E2F3: variants seen among roughly 807,000 people sequenced by gnomAD.
The protein encoded by E2F3 is transcription factor E2F3.
In E2F3, 11 loss-of-function variants were observed where a neutral mutation model predicts 44.4. The observed-to-expected ratio is 0.25, with a 90% CI of 0.16 to 0.41. The LOEUF is 0.41. E2F3 is among the 10% of genes least tolerant of loss of function. The pLI is 1.00. For synonymous variants in E2F3, 249 were observed against 253.0 expected (o/e 0.98, Z 0.15); for missense variants, 487 against 583.6 (o/e 0.83, Z 1.70).
intron 1 of E2F3, among the ~76,000 whole-genome samples, chr6:20,475,107 T>C (rs909668726): frequency 2.0e-5 from 3 of 152,274 alleles, no homozygotes. Context: ...TAGTGATTGA[T>C]TTCCTTAGAG....
chr6:20,425,815 C>G (rs1760198017), intron 1 of E2F3, among the ~76,000 whole-genome samples: 1 of 152,222 alleles, frequency 6.6e-6, no homozygotes, highest in Non-Finnish European at 1.5e-5. Context: ...CTGGGACATT[C>G]ATGTGTCTAA....
intron 5 of E2F3, among the ~76,000 whole-genome samples, chr6:20,487,367 A>G (rs1395353863): frequency 2.0e-5 from 3 of 152,236 alleles, no homozygotes; most frequent in Non-Finnish European, 2.9e-5. Context: ...AAAGAGAATG[A>G]AAGTTACACG....
chr6:20,402,615 G>A lies in E2F3; in HGVS notation c.383G>A (p.Gly128Asp), dbSNP rs1386940354. The stretch of plus-strand genomic sequence containing the variant: ...GGACGCGGCGGCAGCGGCGGCGGCG[G>A]CGGCCCTCCGGTAATACCCTCCCTC... ...ALGRGGSGGG[G>D]GPPAKRRLEL... The change falls in exon 1 of 7, where the codon GGC becomes GAC. Residue 128 changes from glycine (G) to aspartate (D), a missense_variant. Physicochemically the swap from Gly to Asp is moderately conservative, Grantham distance 94. Transcript: ENST00000346618. This position sits in a 1 kb window ranked among gnomAD's most constrained non-coding sequence, Gnocchi z 5.6. The A allele has an allele frequency of 8.2e-6, 11 of 1,339,626 alleles. No individual in the cohort carries two copies. The highest frequency in any genetic ancestry group is 1.5e-5 in the African/African-American group (1 of 65,038). The allele number at this position is 1,339,626 out of a possible 1,614,324, so 83.0% of individuals were successfully genotyped here. A position where few individuals can be genotyped will look rare whatever the true frequency, so the allele number is the denominator to read the frequency against.
In E2F3 at chr6:20,482,739, A is replaced by G. The variant is rs775767752; in HGVS notation, c.726-23A>G. ...CCCTCCCTCCCATGAGTAGCCATGA[A>G]GAGTCTGTGTTTGGGTTTCTAGGGG... On this transcript the variant is annotated intron_variant, in intron 3 of 6. Coordinates refer to ENST00000346618, the MANE Select transcript of E2F3 (RefSeq NM_001949.5). 10 of 1,572,650 alleles carry G rather than the reference A, an allele frequency of 6.4e-6. No individual in the cohort carries two copies. The South Asian group carries it at 1.2e-4, about 19-fold the overall frequency.
At chr6:20,460,125 A>G (rs1761450113) in intron 1 of E2F3, among the ~76,000 whole-genome samples, 1 of 152,198 alleles carries the variant, frequency 6.6e-6, no homozygotes, top group Non-Finnish European at 1.5e-5. Flanking sequence ...CTTGTCTCCC[A>G]GAAGCCCAGC....
chr6:20,488,009 GA>G, intron 5 of E2F3, 103 bp from the exon 6 acceptor site: 1 of 1,531,686 alleles, frequency 6.5e-7, no homozygotes, highest in Non-Finnish European at 8.9e-7. Context: ...AAAAGCAAGT[GA>G]AAAACGAACA....
chr6:20,416,392 A>G (rs988753800), intron 1 of E2F3, among the ~76,000 whole-genome samples: 4 of 152,238 alleles, frequency 2.6e-5, no homozygotes, highest in Non-Finnish European at 5.9e-5. Context: ...CCAGGAATAC[A>G]GCAGTGTCAG....
Position 20,469,144 on chromosome 6 carries a change from C to T in E2F3, c.394-10702C>T, listed in dbSNP as rs9460506. ...GGAAACTCCAAAGAAAACAAACAAG[C>T]TTTACAAGAAAGGATATATAGTCTC... On this transcript the variant is annotated intron_variant, in intron 1 of 6. Transcript: ENST00000346618. Among the ~76,000 whole-genome samples the T allele has an allele frequency of 4.3e-3, 660 of 152,232 alleles. 4 individuals are homozygous for T. Among genetic ancestry groups the T allele is most frequent in the African/African-American group, 0.015 (609 of 41,544 alleles).
intron 1 of E2F3, among the ~76,000 whole-genome samples, chr6:20,477,462 G>A (rs1262433513): frequency 6.6e-6 from 1 of 152,154 alleles, no homozygotes; most frequent in African/African-American, 2.4e-5. Flanking sequence ...AGAGGTGAGG[G>A]TGTGTGAAAT....
At chr6:20,408,537 A>C (rs1759565708) in intron 1 of E2F3, among the ~76,000 whole-genome samples, 1 of 152,220 alleles carries the variant, frequency 6.6e-6, no homozygotes, top group Non-Finnish European at 1.5e-5. Flanking sequence ...CTTTTAAAAA[A>C]TATAATTTTT....
intron 1 of E2F3, among the ~76,000 whole-genome samples, chr6:20,462,149 A>G (rs1191785521): frequency 6.6e-6 from 1 of 152,202 alleles, no homozygotes; most frequent in African/African-American, 2.4e-5. Context: ...ATGCTGAGGT[A>G]GCTTACCTTT....
chr6:20,481,944 G>A (rs1038048236), intron 3 of E2F3, among the ~76,000 whole-genome samples: 1 of 152,130 alleles, frequency 6.6e-6, no homozygotes, highest in Non-Finnish European at 1.5e-5. Context: ...TTCGTCTGTA[G>A]AGCAGGGATG....
intron 1 of E2F3, among the ~76,000 whole-genome samples, chr6:20,422,588 T>A (rs911484195): frequency 6.6e-6 from 1 of 152,178 alleles, no homozygotes; most frequent in African/African-American, 2.4e-5. Context: ...AGCTTTTGAT[T>A]TAGAGGGAGG....
intron 1 of E2F3, among the ~76,000 whole-genome samples, chr6:20,467,772 G>A (rs1412910236): frequency 1.3e-5 from 2 of 151,944 alleles, no homozygotes; most frequent in African/African-American, 2.4e-5. Flanking sequence ...TTATTAGTTC[G>A]CATTTCTTCA....
chr6:20,482,599 A>ATAT (rs1554141459), intron 3 of E2F3, among the ~76,000 whole-genome samples, 163 bp from the exon 4 acceptor site: 189 of 134,492 alleles, frequency 1.4e-3, no homozygotes, highest in South Asian at 9.2e-3. Context: ...TGAAAAAAAA[A>ATAT]ATATATATAT....
At chr6:20,445,751 A>G (rs1360811357) in intron 1 of E2F3, among the ~76,000 whole-genome samples, 1 of 152,230 alleles carries the variant, frequency 6.6e-6, no homozygotes, top group Non-Finnish European at 1.5e-5. Context: ...ATTGATATAC[A>G]TAAGACTTAA....
chr6:20,483,546 C>A (rs1019551582), intron 4 of E2F3, among the ~76,000 whole-genome samples: 4 of 152,194 alleles, frequency 2.6e-5, no homozygotes, highest in African/African-American at 9.6e-5. Flanking sequence ...CTCAATTCCT[C>A]TGTTCCACTA....
intron 1 of E2F3, among the ~76,000 whole-genome samples, chr6:20,416,753 CT>C (rs1759860652): frequency 6.6e-6 from 1 of 152,146 alleles, no homozygotes; most frequent in South Asian, 2.1e-4. Context: ...CGTAACTGGG[CT>C]GCAATGTTAT....
At chr6:20,431,145 G>A (rs1471020828) in intron 1 of E2F3, among the ~76,000 whole-genome samples, 2 of 152,172 alleles carry the variant, frequency 1.3e-5, no homozygotes, top group Non-Finnish European at 1.5e-5. Context: ...CCGGAGACAC[G>A]GTATTCCTCA....
Sources: gnomAD v4.1 joint callset for allele counts (sites outside exome capture counted in the v4.1 genomes callset) on GRCh38, gnomAD v4.1.1 for gene constraint, Gnocchi (gnomAD v3.1) non-coding constraint, MANE v1.5 for transcripts, NCBI Gene and HGNC (gene_info 2026-07-23, HGNC 2026-07-21) for gene names.